Variants in ZNF653 observed in about 807,000 individuals in gnomAD.
The protein encoded by ZNF653 is zinc finger protein 653.
ZNF653 carries 37 observed loss-of-function variants against 59.9 expected under a neutral mutation model. The observed-to-expected ratio is 0.62, with a 90% confidence interval of 0.48 to 0.81. The LOEUF (loss-of-function observed/expected upper bound fraction) is 0.81. Ranked by LOEUF, ZNF653 falls within the 40% of genes least tolerant of loss-of-function variation. The pLI, the probability that ZNF653 is intolerant of heterozygous loss-of-function variation, is 0.00. For synonymous variants in ZNF653, 435 were observed against 371.8 expected, an observed-to-expected ratio of 1.17 and a Z score of -1.96; for missense variants, 808 against 881.1, an observed-to-expected ratio of 0.92 and a Z score of 1.05.
rs377497436 is a variant in ZNF653, at chr19:11,486,811, G to A, written c.1413C>T (p.Tyr471=). The A allele has an allele frequency of 1.7e-5, 27 of 1,611,632 alleles. No individual in the cohort carries two copies. Among genetic ancestry groups the A allele is most frequent in the African/African-American group, 1.2e-4 (9 of 74,862 alleles). Residue 471 remains tyrosine, a synonymous_variant, in exon 6 of 9, where the codon TAC becomes TAT. Coordinates refer to ENST00000293771, the MANE Select transcript of ZNF653 (RefSeq NM_138783.4). The part of the protein sequence containing the change: ...DGLLEMFHCP[Y]EGCSQVYVAL... The stretch of plus-strand genomic sequence containing the variant: ...CCACGTAGACTTGGCTGCAGCCCTC[G>A]TATGGGCAGTGGAACATCTCGAGCA...
chr19:11,494,738 G>T (rs375032442), intron 3 of ZNF653, among the ~76,000 whole-genome samples: 1 of 152,170 alleles, frequency 6.6e-6, no homozygotes, highest in African/African-American at 2.4e-5. Flanking sequence ...GAGTTGGGGC[G>T]TAAGTAAGCT....
At chr19:11,488,866 G>A (rs1971500177) in intron 3 of ZNF653, among the ~76,000 whole-genome samples, 1 of 150,730 alleles carries the variant, frequency 6.6e-6, no homozygotes, top group Non-Finnish European at 1.5e-5. Flanking sequence ...AAAGTGCTGG[G>A]ATTACAGGCA....
At chr19:11,486,696 G>A (rs1971468855) in intron 6 of ZNF653, 73 bp downstream of exon 6, 9 of 1,281,898 alleles carry the variant, frequency 7.0e-6, no homozygotes, top group Admixed American at 2.4e-5. Context: ...CAAACTAGAG[G>A]TAGGACATCC....
chr19:11,497,619 A>C (rs61024168), intron 2 of ZNF653, among the ~76,000 whole-genome samples: 11,820 of 152,216 alleles, frequency 0.078, 739 homozygotes, highest in African/African-American at 0.17. Context: ...CTGGTCCCTC[A>C]GCCAAGTGCG....
Position 11,487,475 on chromosome 19 carries a change from G to A in ZNF653, c.988C>T (p.Leu330Phe), listed in dbSNP as rs373861428. 5.6e-6 allele frequency: 9 copies of A among 1,613,562 alleles called. No homozygotes were observed. The highest frequency in any genetic ancestry group is 5.9e-6 in the Non-Finnish European group (7 of 1,179,982). ...TTGAGGTGAATGCCCTCGGCCGTGA[G>A]AGCGTCGTAACCAGGGCCCGCAATG... The part of the protein sequence containing the change: ...IIIAGPGYDA[L>F]TAEGIHLNMA... The change falls in exon 4 of 9, where the codon CTC (leucine) becomes TTC (phenylalanine). Residue 330 changes from leucine (L) to phenylalanine (F), a missense_variant. Physicochemically the swap from Leu to Phe is conservative, Grantham distance 22. Transcript: ENST00000293771. This position sits in a 1 kb window ranked among gnomAD's most constrained non-coding sequence, Gnocchi z 5.1.
intron 6 of ZNF653, among the ~76,000 whole-genome samples, chr19:11,486,180 C>T (rs1268899039): frequency 2.6e-5 from 4 of 152,120 alleles, no homozygotes; most frequent in South Asian, 4.1e-4. Context: ...AGGATGGTCT[C>T]GATCTCCTGA....
intron 3 of ZNF653, among the ~76,000 whole-genome samples, chr19:11,488,974 A>G (rs1002744260): frequency 2.7e-5 from 4 of 150,554 alleles, no homozygotes; most frequent in Admixed American, 1.3e-4. Flanking sequence ...ATCTTGGCTC[A>G]CTGTAACCTC....
intron 6 of ZNF653, among the ~76,000 whole-genome samples, chr19:11,486,435 G>A (rs1362851849): frequency 6.6e-6 from 1 of 152,226 alleles, no homozygotes; most frequent in Non-Finnish European, 1.5e-5. Flanking sequence ...CTGGATTTGA[G>A]GGCTATCAGC....
In ZNF653 at chr19:11,505,815, C is replaced by G; in HGVS notation, c.-29G>C. The G allele has an allele frequency of 7.4e-7, 1 of 1,359,068 alleles. No homozygotes were observed. The highest frequency in any genetic ancestry group is 1.7e-5 in the South Asian group (1 of 60,522). The allele number at this position is 1,359,068 out of a possible 1,614,324, so 84.2% of individuals were successfully genotyped here. A position where few individuals can be genotyped will look rare whatever the true frequency, so the allele number is the denominator to read the frequency against. ...CCCCACCCTGGTTACCAGCCTCCCCCGTTGTTAGGAGCCAGACCGGAAGTG... is the reference window on the plus strand; with the variant it reads ...CCCCACCCTGGTTACCAGCCTCCCCGGTTGTTAGGAGCCAGACCGGAAGTG... On this transcript the variant is annotated 5_prime_UTR_variant, in exon 1 of 9. Coordinates refer to ENST00000293771, the MANE Select transcript of ZNF653 (RefSeq NM_138783.4).
rs1337540535 is a variant in ZNF653 at position 11,487,178 on chromosome 19, T to C, written c.1172-20A>G. ...CCTTCTCTACAGGGTGGACACAGGG[T>C]GGTGTCCGCAGGGGACGAAGGCTGC... is the stretch of plus-strand genomic sequence containing the variant. On this transcript the variant is annotated intron_variant, in intron 4 of 8. Coordinates refer to ENST00000293771, the MANE Select transcript of ZNF653 (RefSeq NM_138783.4). The surrounding 1 kb of genome is among the most constrained non-coding windows in gnomAD (Gnocchi z 5.1). The C allele has an allele frequency of 1.2e-6, 2 of 1,609,114 alleles. No individual in the cohort carries two copies. Among genetic ancestry groups the C allele is most frequent in the African/African-American group, 1.3e-5 (1 of 74,976 alleles).
At position 11,491,533 on chromosome 19, in the gene ZNF653, G is replaced by T. The variant is rs114311696; in HGVS notation, c.560-3630C>A. ...CGCCTCCTCTCCTAATGTCCTTGGAGACACTAGATAGGTTCCTGCCTCAAG... is the reference window on the plus strand; with the variant it reads ...CGCCTCCTCTCCTAATGTCCTTGGATACACTAGATAGGTTCCTGCCTCAAG... On this transcript the variant is annotated intron_variant, in intron 3 of 8. Transcript: ENST00000293771. Among the ~76,000 whole-genome samples, 661 of 152,198 alleles carry T rather than the reference G, an allele frequency of 4.3e-3. 4 individuals carry two copies. Among genetic ancestry groups the T allele is most frequent in the African/African-American group, 0.015 (608 of 41,530 alleles).
intron 7 of ZNF653, among the ~76,000 whole-genome samples, chr19:11,484,879 CT>C (rs1167171400): frequency 1.3e-5 from 2 of 150,970 alleles, no homozygotes; most frequent in African/African-American, 4.9e-5. Flanking sequence ...TGGCGAAACC[CT>C]GTCCCTACTA....
intron 3 of ZNF653, among the ~76,000 whole-genome samples, chr19:11,494,374 T>TAACA (rs1971561513): frequency 7.0e-6 from 1 of 143,822 alleles, no homozygotes; most frequent in Non-Finnish European, 1.5e-5. Flanking sequence ...TAACATAACA[T>TAACA]AACATAAAAC....
At chr19:11,500,285 T>C (rs1296293131) in intron 1 of ZNF653, among the ~76,000 whole-genome samples, 1 of 152,074 alleles carries the variant, frequency 6.6e-6, no homozygotes, top group Non-Finnish European at 1.5e-5. Flanking sequence ...TGTGACTCTA[T>C]CCCTTCCCAT....
chr19:11,487,101 T>A lies in ZNF653; in HGVS notation c.1229A>T (p.Glu410Val). ...GCTCTCAGGCACCGTTGTTGCCAGC[T>A]CCGGGGCTACTGGCTCCTCCTTCTC... ...KEEKEEPVAP[E>V]LATTVPESAE... The change falls in exon 5 of 9, where the codon GAG becomes GTG. Residue 410 changes from glutamate to valine, a missense_variant. Transcript: ENST00000293771. This position sits in a 1 kb window ranked among gnomAD's most constrained non-coding sequence, Gnocchi z 5.1. The A allele has an allele frequency of 2.5e-6, 4 of 1,613,764 alleles. No individual in the cohort carries two copies. Among genetic ancestry groups the A allele is most frequent in the Non-Finnish European group, 2.5e-6 (3 of 1,180,002 alleles).
intron 1 of ZNF653, among the ~76,000 whole-genome samples, chr19:11,501,898 G>T (rs1971649149): frequency 6.6e-6 from 1 of 152,072 alleles, no homozygotes; most frequent in African/African-American, 2.4e-5. Flanking sequence ...GGGTTCAAGT[G>T]ATTCTCCTGC....
At chr19:11,505,264 G>T in intron 1 of ZNF653, 1 of 469,248 alleles carries the variant, frequency 2.1e-6, no homozygotes, top group Non-Finnish European at 3.7e-6. Context: ...GGCGGGTCGA[G>T]GGGCTGGGTG....
chr19:11,483,968 G>A (rs1568392075), intron 8 of ZNF653, 74 bp downstream of exon 8: 2 of 1,529,442 alleles, frequency 1.3e-6, no homozygotes, highest in Non-Finnish European at 8.8e-7. Flanking sequence ...GCGTTGGGGC[G>A]AAGCCGCCCC....
In ZNF653 at chr19:11,483,859, C is replaced by T; in HGVS notation, c.1671G>A (p.Gln557=). 6.3e-7 allele frequency: 1 copy of T among 1,586,072 alleles called. No individual in the cohort carries two copies. Among genetic ancestry groups the T allele is most frequent in the Non-Finnish European group, 8.6e-7 (1 of 1,168,716 alleles). Reference sequence around the variant, plus strand: ...GGCACTGGTAGCCACAGATCTCGCACCTGCCGGGAGCCCGTGGCGGGACGG... The same window carrying T: ...GGCACTGGTAGCCACAGATCTCGCATCTGCCGGGAGCCCGTGGCGGGACGG... The part of the protein sequence containing the change: ...RRTHTGETPL[Q]CEICGYQCRQ... Residue 557 remains glutamine, a splice_region_variant and synonymous_variant, in exon 9 of 9, where the codon CAG becomes CAA. Coordinates refer to ENST00000293771, the MANE Select transcript of ZNF653 (RefSeq NM_138783.4).
Sources: gnomAD v4.1 joint callset for allele counts (sites outside exome capture counted in the v4.1 genomes callset) on GRCh38, gnomAD v4.1.1 for gene constraint, Gnocchi (gnomAD v3.1) non-coding constraint, MANE v1.5 for transcripts, NCBI Gene and HGNC (gene_info 2026-07-23, HGNC 2026-07-21) for gene names.